The following DIAPH1 variants were observed in gnomAD, a reference collection of about 807,000 sequenced individuals.
DIAPH1 encodes diaphanous related formin 1, also known as protein diaphanous homolog 1.
A neutral mutation model predicts 140.7 loss-of-function variants in DIAPH1; 46 were observed. That is an observed-to-expected ratio of 0.33 (90% CI 0.26 to 0.42). The LOEUF is 0.42. Ranked by LOEUF, DIAPH1 falls within the 10% of genes least tolerant of loss-of-function variation. The pLI is 1.00. For synonymous variants in DIAPH1, 565 were observed against 551.6 expected, an observed-to-expected ratio of 1.02 and a Z score of -0.34; for missense variants, 1,310 against 1,558.7, an observed-to-expected ratio of 0.84 and a Z score of 2.69.
At chr5:141,593,239 C>G (rs1176835575) in intron 1 of DIAPH1, among the ~76,000 whole-genome samples, 1 of 152,156 alleles carries the variant, frequency 6.6e-6, no homozygotes, top group Non-Finnish European at 1.5e-5. Context: ...GTTTAAGAAG[C>G]AGTTAGATCC....
Position 141,571,306 on chromosome 5 carries a change from C to G in DIAPH1, c.2482+122G>C, listed in dbSNP as rs75186142. ...GGAAACAAAAACAAAAAACACCTAG[C>G]AAAGACAAGTCAACCCTCAATCTCT... On this transcript the variant is annotated intron_variant, in intron 18 of 27. Transcript: ENST00000389054. 1.4e-3 allele frequency: 1,175 copies of G among 836,728 alleles called. 7 individuals are homozygous for G. The African/African-American group carries it at 0.017, about 12-fold the overall frequency. 51.8% of individuals were successfully genotyped at this position (836,728 alleles called of 1,614,324 possible). A position where few individuals can be genotyped will look rare whatever the true frequency, so the allele number is the denominator to read the frequency against.
chr5:141,572,080 G>T, intron 16 of DIAPH1, 40 bp from the exon 17 acceptor site: 1 of 1,417,682 alleles, frequency 7.1e-7, no homozygotes, highest in Non-Finnish European at 1.0e-6. Context: ...AGTAAACTGA[G>T]CCCTGTACTT....
chr5:141,563,052 C>G (rs938577991), intron 18 of DIAPH1: 2 of 152,264 alleles, frequency 1.3e-5, no homozygotes, highest in African/African-American at 4.8e-5. Context: ...ATCTTGATTT[C>G]TATCTCCTCC....
At chr5:141,521,241 G>A (rs1226962438) in intron 27 of DIAPH1, among the ~76,000 whole-genome samples, 1 of 152,198 alleles carries the variant, frequency 6.6e-6, no homozygotes, top group Non-Finnish European at 1.5e-5. Context: ...AAATGGTAGA[G>A]GGAAGGAAAG....
chr5:141,572,229 T>C (rs574970114), intron 16 of DIAPH1, among the ~76,000 whole-genome samples, 189 bp from the exon 17 acceptor site: 129 of 152,318 alleles, frequency 8.5e-4, no homozygotes, highest in African/African-American at 3.1e-3. Flanking sequence ...CATCTGTTAA[T>C]TGGTGATTAT....
rs994750358 is a variant in DIAPH1 at position 141,520,770 on chromosome 5, A to T, written c.3661+3373T>A. 6.6e-5 allele frequency among the ~76,000 whole-genome samples: 10 copies of T among 152,162 alleles called. 1 individual carries two copies. Among genetic ancestry groups the T allele is most frequent in the Admixed American group, 4.6e-4 (7 of 15,280 alleles). ...GTATGAAAGAATATTTCCGGCCCAT[A>T]CTGTGGGTTCACTGCTGTCTCCTGT... On this transcript the variant is annotated intron_variant, in intron 27 of 27. Coordinates refer to ENST00000389054, the MANE Select transcript of DIAPH1 (RefSeq NM_005219.5).
chr5:141,535,704 A>T (rs997092378), intron 18 of DIAPH1, among the ~76,000 whole-genome samples: 1 of 152,226 alleles, frequency 6.6e-6, no homozygotes, highest in African/African-American at 2.4e-5. Flanking sequence ...ATAGGAAAAA[A>T]CCAAGTAACT....
intron 4 of DIAPH1, 45 bp downstream of exon 4, chr5:141,584,079 A>G (rs755209077): frequency 3.9e-6 from 5 of 1,289,452 alleles, no homozygotes; most frequent in Non-Finnish European, 5.6e-6. Context: ...GGTCCAAGAC[A>G]AGGGCACAGT....
Position 141,618,909 on chromosome 5 carries a change from C to G in DIAPH1, c.6G>C (p.Glu2Asp). M[E>D]PPGGSLGPGR... ...CGGGCCCCAGGCTCCCGCCGGGCGG[C>G]TCCATGTCCCGGTTCACGCTGGCCG... Residue 2 changes from glutamate to aspartate, a missense_variant, in exon 1 of 28, where the codon GAG (glutamate) becomes GAC (aspartate). Physicochemically the swap from Glu to Asp is conservative, Grantham distance 45. Transcript: ENST00000389054. 6.6e-7 allele frequency: 1 copy of G among 1,505,234 alleles called. No individual in the cohort carries two copies. Among genetic ancestry groups the G allele is most frequent in the Non-Finnish European group, 8.9e-7 (1 of 1,125,684 alleles). The allele number at this position is 1,505,234 out of a possible 1,614,324, so 93.2% of individuals were successfully genotyped here.
intron 19 of DIAPH1, among the ~76,000 whole-genome samples, chr5:141,531,855 A>G (rs2099888282): frequency 1.3e-5 from 2 of 152,144 alleles, no homozygotes; most frequent in Admixed American, 6.5e-5. Flanking sequence ...CCCTGATCAC[A>G]TCTCACCTAG....
At chr5:141,605,617 T>C (rs906958265) in intron 1 of DIAPH1, among the ~76,000 whole-genome samples, 4 of 152,224 alleles carry the variant, frequency 2.6e-5, no homozygotes, top group Non-Finnish European at 5.9e-5. Context: ...CTGAGAAGAA[T>C]ATTAGTGGAG....
chr5:141,573,755 C>A lies in DIAPH1; in HGVS notation c.2095G>T (p.Gly699Ter). 1.3e-6 allele frequency: 2 copies of A among 1,519,648 alleles called. No homozygotes were observed. Among genetic ancestry groups the A allele is most frequent in the Non-Finnish European group, 1.8e-6 (2 of 1,132,196 alleles). 94.1% of individuals were successfully genotyped at this position (1,519,648 alleles called of 1,614,324 possible). ...AAGGGAGGAGGTGGGGGGGGAATTC[C>A]AGCACTCCCAGGCAAAGGAGGTGGT... ...PPPPPLPGSA[G>*]IPPPPPPLPG... Residue 699 changes from glycine (G) to a stop codon, truncating the protein, a stop_gained, in exon 16 of 28, where the codon GGA (glycine) becomes TGA (stop). Transcript: ENST00000389054. LOFTEE classifies it high-confidence loss of function.
At chr5:141,518,167 G>A (rs1233661591) in intron 27 of DIAPH1, among the ~76,000 whole-genome samples, 1 of 152,188 alleles carries the variant, frequency 6.6e-6, no homozygotes, top group Non-Finnish European at 1.5e-5. Flanking sequence ...ACTGCTAATG[G>A]GGATTATGAA....
At position 141,516,558 on chromosome 5, in the gene DIAPH1, A is replaced by G. The variant is rs2099885714; in HGVS notation, c.*293T>C. 1 of 457,552 alleles carries G rather than the reference A, an allele frequency of 2.2e-6. No individual in the cohort carries two copies. Among genetic ancestry groups the G allele is most frequent in the Non-Finnish European group, 4.1e-6 (1 of 246,376 alleles). The allele number at this position is 457,552 out of a possible 1,614,324, so 28.3% of individuals were successfully genotyped here. A position where few individuals can be genotyped will look rare whatever the true frequency, so the allele number is the denominator to read the frequency against. ...TTGTCTGAGATGAGGCCCTCTGAGTAACAGAGAGGAGACAGGGTTAAGGCA... is the reference window on the plus strand; with the variant it reads ...TTGTCTGAGATGAGGCCCTCTGAGTGACAGAGAGGAGACAGGGTTAAGGCA... On this transcript the variant is annotated 3_prime_UTR_variant, in exon 28 of 28. Coordinates refer to ENST00000389054, the MANE Select transcript of DIAPH1 (RefSeq NM_005219.5).
At chr5:141,584,438 CAT>C (rs1447665339) in intron 3 of DIAPH1, among the ~76,000 whole-genome samples, 1 of 148,342 alleles carries the variant, frequency 6.7e-6, no homozygotes, top group Non-Finnish European at 1.5e-5. Flanking sequence ...TCTCTATAGA[CAT>C]ATACACACTT....
At chr5:141,595,899 A>T (rs1282475654) in intron 1 of DIAPH1, among the ~76,000 whole-genome samples, 4 of 152,198 alleles carry the variant, frequency 2.6e-5, no homozygotes, top group Non-Finnish European at 1.5e-5. Flanking sequence ...AAAAATTTTT[A>T]GGGACTGGCT....
chr5:141,595,369 C>T (rs2099899150), intron 1 of DIAPH1, among the ~76,000 whole-genome samples: 2 of 152,146 alleles, frequency 1.3e-5, no homozygotes, highest in Admixed American at 1.3e-4. Flanking sequence ...AAATGTACCA[C>T]GCTAGTGGGG....
intron 18 of DIAPH1, chr5:141,561,678 T>C (rs1010028148): frequency 2.0e-5 from 3 of 152,230 alleles, no homozygotes; most frequent in African/African-American, 7.2e-5. Context: ...GTATATTCCC[T>C]TCTAATCTTT....
intron 1 of DIAPH1, among the ~76,000 whole-genome samples, chr5:141,610,243 T>G (rs1222386367): frequency 6.6e-6 from 1 of 152,164 alleles, no homozygotes; most frequent in Non-Finnish European, 1.5e-5. Context: ...GCAATTCTCC[T>G]GCCTCAGCCT....
Sources: allele counts gnomAD v4.1 joint callset (sites outside exome capture counted in the v4.1 genomes callset), GRCh38; gene constraint gnomAD v4.1.1; transcripts MANE v1.5; gene names NCBI Gene and HGNC (gene_info 2026-07-23, HGNC 2026-07-21).